ZFYVE9: variants seen among roughly 807,000 people sequenced by gnomAD.
The protein encoded by ZFYVE9 is zinc finger FYVE domain-containing protein 9.
Under a neutral mutation model 126.7 loss-of-function variants are expected in ZFYVE9, and 43 were observed. That is an observed-to-expected ratio of 0.34 (90% CI 0.27 to 0.44). The LOEUF is 0.44. Ranked by LOEUF, ZFYVE9 falls within the 20% of genes least tolerant of loss-of-function variation. The pLI is 1.00. For synonymous variants in ZFYVE9, 521 were observed against 597.4 expected (o/e 0.87, Z 1.87); for missense variants, 1,476 against 1,697.0 (o/e 0.87, Z 2.29).
chr1:52,227,821 G>A (rs1645183643), intron 2 of ZFYVE9, among the ~76,000 whole-genome samples: 1 of 152,136 alleles, frequency 6.6e-6, no homozygotes, highest in African/African-American at 2.4e-5. Context: ...GACTTTTTCT[G>A]TAGCTCCTGG....
intron 17 of ZFYVE9, among the ~76,000 whole-genome samples, chr1:52,342,583 T>C (rs1487282682): frequency 1.3e-5 from 2 of 148,944 alleles, no homozygotes; most frequent in East Asian, 2.0e-4. Flanking sequence ...TCACCCAGGC[T>C]GGATTGCAAT....
At chr1:52,172,124 AT>A (rs1386245470) in intron 1 of ZFYVE9, among the ~76,000 whole-genome samples, 1 of 152,118 alleles carries the variant, frequency 6.6e-6, no homozygotes, top group African/African-American at 2.4e-5. Context: ...TAGGGTTTTT[AT>A]GGTTTTAGGT....
At chr1:52,214,595 A>G (rs991966939) in intron 1 of ZFYVE9, among the ~76,000 whole-genome samples, 2 of 152,188 alleles carry the variant, frequency 1.3e-5, no homozygotes, top group Non-Finnish European at 2.9e-5. Context: ...CTGGAATATA[A>G]TTCCAATAGA....
chr1:52,174,557 C>T (rs1248345070), intron 1 of ZFYVE9, among the ~76,000 whole-genome samples: 7 of 150,744 alleles, frequency 4.6e-5, no homozygotes, highest in South Asian at 4.2e-4. Context: ...CCTGGGTATC[C>T]TTGTTAACTT....
intron 1 of ZFYVE9, among the ~76,000 whole-genome samples, chr1:52,188,122 T>C (rs970466077): frequency 1.3e-5 from 2 of 152,204 alleles, no homozygotes; most frequent in African/African-American, 4.8e-5. Flanking sequence ...GAGGTACATA[T>C]ACTCCATGGA....
At chr1:52,315,074 A>G (rs1019286318) in intron 13 of ZFYVE9, among the ~76,000 whole-genome samples, 1 of 152,236 alleles carries the variant, frequency 6.6e-6, no homozygotes, top group Non-Finnish European at 1.5e-5. Flanking sequence ...ATGAAAAGTG[A>G]CAGAAATGAT....
chr1:52,346,212 C>A lies in ZFYVE9; in HGVS notation c.4269C>A (p.Asn1423Lys). The change falls in exon 19 of 19, where the codon AAC becomes AAA. Residue 1423 changes from asparagine (N) to lysine (K), a missense_variant. Transcript: ENST00000287727. ...VMELIFYILE[N>K]IV ...AACTCATCTTTTATATTCTGGAAAACATCGTATAAACAGAGAAGACTTCAT... is the reference window on the plus strand; with the variant it reads ...AACTCATCTTTTATATTCTGGAAAAAATCGTATAAACAGAGAAGACTTCAT... 1 of 1,597,704 alleles carries A rather than the reference C, an allele frequency of 6.3e-7. No homozygotes were observed. The highest frequency in any genetic ancestry group is 1.1e-5 in the South Asian group (1 of 90,142).
intron 8 of ZFYVE9, 131 bp downstream of exon 8, chr1:52,274,715 A>G (rs1645728853): frequency 1.0e-6 from 1 of 959,484 alleles, no homozygotes; most frequent in African/African-American, 1.7e-5. Context: ...CCCCAAAACT[A>G]TGAAAATGGT....
At chr1:52,306,036 G>A (rs79832276) in intron 13 of ZFYVE9, among the ~76,000 whole-genome samples, 386 of 152,266 alleles carry the variant, frequency 2.5e-3, no homozygotes, top group African/African-American at 8.9e-3. Flanking sequence ...AGGCAAACAC[G>A]TTCCTGAGCA....
At chr1:52,285,971 A>G (rs540458604) in intron 10 of ZFYVE9, among the ~76,000 whole-genome samples, 2 of 152,122 alleles carry the variant, frequency 1.3e-5, no homozygotes, top group South Asian at 4.1e-4. Flanking sequence ...CCTGGCCAAC[A>G]TGGTGAAACC....
Position 52,183,465 on chromosome 1 carries a change from T to C in ZFYVE9, c.-142-32904T>C, listed in dbSNP as rs114503342. On this transcript the variant is annotated intron_variant, in intron 1 of 18. Transcript: ENST00000287727. ...AAATTGAGACCTGTGTTTGTACTTTTGCCTTTTGAGTTATTAATTTTATTC... is the reference window on the plus strand; with the variant it reads ...AAATTGAGACCTGTGTTTGTACTTTCGCCTTTTGAGTTATTAATTTTATTC... Among the ~76,000 whole-genome samples the C allele has an allele frequency of 3.5e-3, 533 of 152,334 alleles. 2 individuals carry two copies. The highest frequency in any genetic ancestry group is 0.012 in the African/African-American group (510 of 41,584).
chr1:52,142,730 C>T lies in ZFYVE9; in HGVS notation c.-143+327C>T, dbSNP rs527342046. Among the ~76,000 whole-genome samples, 1 of 152,262 alleles carries T rather than the reference C, an allele frequency of 6.6e-6. No individual in the cohort carries two copies. The highest frequency in any genetic ancestry group is 2.1e-4 in the South Asian group (1 of 4,832). The stretch of plus-strand genomic sequence containing the variant: ...GCCGAGCGCAGCCTCTTAGCCCGGG[C>T]CCTGCACGTACATCCCGGAGGGAGG... On this transcript the variant is annotated intron_variant, in intron 1 of 18. Coordinates refer to ENST00000287727, the MANE Select transcript of ZFYVE9 (RefSeq NM_004799.4). This position sits in a 1 kb window ranked among gnomAD's most constrained non-coding sequence, Gnocchi z 4.5.
At chr1:52,202,442 G>A (rs3991040) in intron 1 of ZFYVE9, among the ~76,000 whole-genome samples, 2,694 of 151,686 alleles carry the variant, frequency 0.018, 125 homozygotes, top group African/African-American at 0.063. Flanking sequence ...ACTACCGTCC[G>A]GCTAATTTTT....
chr1:52,183,247 A>G (rs928393412), intron 1 of ZFYVE9, among the ~76,000 whole-genome samples: 5 of 152,128 alleles, frequency 3.3e-5, no homozygotes, highest in Non-Finnish European at 5.9e-5. Flanking sequence ...AGTATGTTGT[A>G]AAGTAGATTG....
intron 1 of ZFYVE9, among the ~76,000 whole-genome samples, chr1:52,181,352 T>C (rs897984618): frequency 5.9e-5 from 9 of 152,244 alleles, no homozygotes; most frequent in Non-Finnish European, 8.8e-5. Flanking sequence ...CCCGAGGTGC[T>C]GGGATTGCAG....
chr1:52,217,678 C>T (rs1645084906), intron 2 of ZFYVE9, among the ~76,000 whole-genome samples: 2 of 152,196 alleles, frequency 1.3e-5, no homozygotes, highest in Non-Finnish European at 1.5e-5. Flanking sequence ...TTCCATTTTC[C>T]AAACCACCTT....
At chr1:52,296,046 A>G in intron 12 of ZFYVE9, 69 bp downstream of exon 12, 1 of 1,433,620 alleles carries the variant, frequency 7.0e-7, no homozygotes, top group South Asian at 1.2e-5. Context: ...AAGCAATTTT[A>G]TTATTTTCTT....
chr1:52,212,793 C>A (rs1424115715), intron 1 of ZFYVE9, among the ~76,000 whole-genome samples: 2 of 151,960 alleles, frequency 1.3e-5, no homozygotes, highest in African/African-American at 4.8e-5. Flanking sequence ...TTAGTGTAGT[C>A]GTTTTGTAAA....
At chr1:52,201,126 C>A (rs1320060034) in intron 1 of ZFYVE9, among the ~76,000 whole-genome samples, 1 of 152,062 alleles carries the variant, frequency 6.6e-6, no homozygotes, top group East Asian at 1.9e-4. Flanking sequence ...CATGGAATAT[C>A]TTTTCATTTA....
Sources: gnomAD v4.1 joint callset for allele counts (sites outside exome capture counted in the v4.1 genomes callset) on GRCh38, gnomAD v4.1.1 for gene constraint, Gnocchi (gnomAD v3.1) non-coding constraint, MANE v1.5 for transcripts, NCBI Gene and HGNC (gene_info 2026-07-23, HGNC 2026-07-21) for gene names.